B3GALT1: variants seen among roughly 807,000 people sequenced by gnomAD.
The protein encoded by B3GALT1 is UDP-Gal:betaGlcNAc beta 1,3-galactosyltransferase, polypeptide 1.
B3GALT1 carries 10 observed loss-of-function variants against 23.2 expected under a neutral mutation model. The ratio of observed to expected loss-of-function variants is 0.43; its 90% CI spans 0.27 to 0.73. The LOEUF (loss-of-function observed/expected upper bound fraction) is 0.73. Ranked by LOEUF, B3GALT1 falls within the 30% of genes least tolerant of loss-of-function variation. B3GALT1 has a pLI of 0.21. For synonymous variants in B3GALT1, 156 were observed against 141.5 expected (o/e 1.10, Z -0.73); for missense variants, 299 against 405.4 (o/e 0.74, Z 2.25).
intron 2 of B3GALT1, among the ~76,000 whole-genome samples, chr2:167,594,252 C>T (rs935092259): frequency 7.9e-5 from 12 of 152,126 alleles, no homozygotes; most frequent in African/African-American, 2.4e-4. Flanking sequence ...TTAGACAAAT[C>T]AAGGCACTGC....
chr2:167,616,403 A>G (rs1685163298), intron 2 of B3GALT1, among the ~76,000 whole-genome samples: 1 of 151,974 alleles, frequency 6.6e-6, no homozygotes, highest in Non-Finnish European at 1.5e-5. Context: ...CTGTAGGAAA[A>G]ATATATAATA....
intron 3 of B3GALT1, among the ~76,000 whole-genome samples, chr2:167,769,476 G>C (rs1030439909): frequency 1.3e-5 from 2 of 152,054 alleles, no homozygotes; most frequent in African/African-American, 4.8e-5. Flanking sequence ...TTTGACAAAT[G>C]CATGAAATTC....
At chr2:167,442,231 G>A (rs1330936940) in intron 1 of B3GALT1, among the ~76,000 whole-genome samples, 2 of 152,084 alleles carry the variant, frequency 1.3e-5, no homozygotes, top group African/African-American at 4.8e-5. Context: ...ATGGCGCATA[G>A]TATTCCATGG....
chr2:167,541,770 G>T (rs1485905440), intron 2 of B3GALT1, among the ~76,000 whole-genome samples: 1 of 151,994 alleles, frequency 6.6e-6, no homozygotes, highest in Non-Finnish European at 1.5e-5. Context: ...GCCACATAAG[G>T]ATACAATTAT....
intron 3 of B3GALT1, among the ~76,000 whole-genome samples, chr2:167,651,493 G>T (rs1466948056): frequency 2.0e-5 from 3 of 152,042 alleles, no homozygotes; most frequent in African/African-American, 7.2e-5. Flanking sequence ...AGTCAACATA[G>T]TTGTTTCTTC....
intron 4 of B3GALT1, among the ~76,000 whole-genome samples, chr2:167,837,590 A>AT (rs1314203654): frequency 3.3e-5 from 5 of 151,160 alleles, no homozygotes; most frequent in African/African-American, 4.9e-5. Flanking sequence ...AGACTTTAAC[A>AT]TCCCACTGTC....
At chr2:167,520,467 G>T (rs1700171734) in intron 2 of B3GALT1, among the ~76,000 whole-genome samples, 1 of 152,110 alleles carries the variant, frequency 6.6e-6, no homozygotes, top group Admixed American at 6.6e-5. Flanking sequence ...AGGACTCTCT[G>T]GTGAAGCATC....
chr2:167,321,406 A>G (rs1018252668), intron 1 of B3GALT1, among the ~76,000 whole-genome samples: 1 of 152,088 alleles, frequency 6.6e-6, no homozygotes, highest in Non-Finnish European at 1.5e-5. Context: ...TATTTGCTAT[A>G]TATAAAATGT....
At chr2:167,332,848 A>C (rs1024809668) in intron 1 of B3GALT1, among the ~76,000 whole-genome samples, 10 of 152,216 alleles carry the variant, frequency 6.6e-5, no homozygotes, top group African/African-American at 2.2e-4. Context: ...AAGCTGGTAC[A>C]AATCTTTCCA....
rs149323197 is a variant in B3GALT1, at chr2:167,826,275, C to A, written c.-230+7482C>A. Among the ~76,000 whole-genome samples the A allele has an allele frequency of 3.1e-3, 465 of 152,244 alleles. 2 individuals are homozygous for A. Among genetic ancestry groups the A allele is most frequent in the Non-Finnish European group, 5.5e-3 (375 of 68,008 alleles). On this transcript the variant is annotated intron_variant, in intron 4 of 4. Coordinates refer to ENST00000392690, the MANE Select transcript of B3GALT1 (RefSeq NM_020981.4). Reference sequence around the variant, plus strand: ...GGGCTCATGGCTTGATCCTCTCCAGCCTCAACCTGGCCAGGTTTCCCCTCA... The same window carrying A: ...GGGCTCATGGCTTGATCCTCTCCAGACTCAACCTGGCCAGGTTTCCCCTCA...
At chr2:167,683,028 T>C (rs1686559701) in intron 3 of B3GALT1, among the ~76,000 whole-genome samples, 1 of 152,188 alleles carries the variant, frequency 6.6e-6, no homozygotes, top group Non-Finnish European at 1.5e-5. Flanking sequence ...GAAATTCTAA[T>C]GTATTACTAT....
In B3GALT1 at chr2:167,568,038, C is replaced by T. The variant is rs151043327; in HGVS notation, c.-410+77761C>T. ...ACTTAGTAATATGCGTTTAAGTTTC[C>T]TCCGTGTCTTTTCATGGCTCAATAG... On this transcript the variant is annotated intron_variant, in intron 2 of 4. Coordinates refer to ENST00000392690, the MANE Select transcript of B3GALT1 (RefSeq NM_020981.4). 2.6e-3 allele frequency among the ~76,000 whole-genome samples: 399 copies of T among 152,120 alleles called. 1 individual carries two copies. The highest frequency in any genetic ancestry group is 8.5e-3 in the African/African-American group (353 of 41,504).
chr2:167,659,997 T>C (rs1686028388), intron 3 of B3GALT1, among the ~76,000 whole-genome samples: 2 of 152,088 alleles, frequency 1.3e-5, no homozygotes, highest in African/African-American at 4.8e-5. Flanking sequence ...GCATCTGGTC[T>C]ACCCCAAGAA....
At chr2:167,429,300 A>T (rs1423139920) in intron 1 of B3GALT1, among the ~76,000 whole-genome samples, 23 of 136,384 alleles carry the variant, frequency 1.7e-4, no homozygotes, top group African/African-American at 5.9e-4. Context: ...AAAAAAAAAA[A>T]TAAGAAATGT....
chr2:167,475,917 C>A (rs987822214), intron 1 of B3GALT1, among the ~76,000 whole-genome samples: 5 of 152,228 alleles, frequency 3.3e-5, no homozygotes, highest in African/African-American at 1.2e-4. Context: ...GCAGCAGCAG[C>A]CAAGGCAACA....
At chr2:167,389,413 TG>T (rs1308909203) in intron 1 of B3GALT1, among the ~76,000 whole-genome samples, 8 of 152,172 alleles carry the variant, frequency 5.3e-5, no homozygotes, top group Non-Finnish European at 1.2e-4. Flanking sequence ...CATTTCAATG[TG>T]GGTATGAGTA....
At chr2:167,422,432 C>T (rs1039068320) in intron 1 of B3GALT1, among the ~76,000 whole-genome samples, 1 of 152,144 alleles carries the variant, frequency 6.6e-6, no homozygotes, top group African/African-American at 2.4e-5. Context: ...GTTGAAGCAG[C>T]CTGAGCTGAG....
chr2:167,673,134 TTA>T (rs1430100864), intron 3 of B3GALT1, among the ~76,000 whole-genome samples: 1 of 152,060 alleles, frequency 6.6e-6, no homozygotes, highest in Admixed American at 6.6e-5. Flanking sequence ...TGGGAGAACG[TTA>T]TAGAGCATCA....
rs113973853 is a variant in B3GALT1, at chr2:167,867,173, C to A, written c.-229-1638C>A. On this transcript the variant is annotated intron_variant, in intron 4 of 4. Coordinates refer to ENST00000392690, the MANE Select transcript of B3GALT1 (RefSeq NM_020981.4). ...GATCTCCTGACCTCGTGATCCGCCC[C>A]CCTTGGCCTCCCAAAGTGCTGGGAT... Among the ~76,000 whole-genome samples the A allele has an allele frequency of 8.5e-3, 1,298 of 152,154 alleles. 12 individuals carry two copies. The highest frequency in any genetic ancestry group is 0.044 in the Middle Eastern group (13 of 294).
Sources: gnomAD v4.1 joint callset for allele counts (sites outside exome capture counted in the v4.1 genomes callset) on GRCh38, gnomAD v4.1.1 for gene constraint, MANE v1.5 for transcripts, NCBI Gene and HGNC (gene_info 2026-07-23, HGNC 2026-07-21) for gene names.